The following HEATR5A variants were observed in gnomAD, a reference collection of about 807,000 sequenced individuals.
The protein encoded by HEATR5A is HEAT repeat containing 5A.
Under a neutral mutation model 218.8 loss-of-function variants are expected in HEATR5A, and 178 were observed. The observed-to-expected ratio is 0.81, with a 90% CI of 0.72 to 0.92. HEATR5A has a LOEUF of 0.92. Among genes scored for constraint, HEATR5A ranks in the 40% least tolerant of loss-of-function variants. The probability of loss-of-function intolerance (pLI) is 0.00; values close to 1 mark genes in which losing one functional copy is unlikely to be tolerated. For missense variants in HEATR5A, 2,420 were observed against 2,418.9 expected (o/e 1.00, Z -0.01); for synonymous variants, 864 against 871.6 (o/e 0.99, Z 0.15).
chr14:31,345,881 A>G (rs550048500), intron 19 of HEATR5A, among the ~76,000 whole-genome samples: 3 of 151,310 alleles, frequency 2.0e-5, no homozygotes, highest in Admixed American at 1.3e-4. Context: ...AGATATGTGC[A>G]TTTATGGCAG....
intron 7 of HEATR5A, among the ~76,000 whole-genome samples, chr14:31,387,855 C>T (rs539600217): frequency 3.3e-5 from 5 of 152,268 alleles, no homozygotes; most frequent in East Asian, 1.9e-4. Flanking sequence ...CCACCGCACC[C>T]GGCCTGAAGT....
Position 31,358,745 on chromosome 14 carries a change from T to A in HEATR5A, c.2303A>T (p.Asp768Val), listed in dbSNP as rs1282973151. The A allele has an allele frequency of 1.1e-5, 18 of 1,613,788 alleles. No homozygotes were observed. The highest frequency in any genetic ancestry group is 1.4e-5 in the Non-Finnish European group (17 of 1,179,888). ...EYDPYSIYEK[D>V]VEGDSVPKPL... ...CTTAGGCACTGAATCTCCCTCTACA[T>A]CTTTCTCATAAATCGAATAAGGGTC... The change falls in exon 16 of 36, where the codon GAT (aspartate) becomes GTT (valine). Residue 768 changes from aspartate to valine, a missense_variant. Coordinates refer to ENST00000543095, the MANE Select transcript of HEATR5A (RefSeq NM_015473.4).
At chr14:31,408,496 G>A (rs765924698) in intron 1 of HEATR5A, among the ~76,000 whole-genome samples, 1 of 152,042 alleles carries the variant, frequency 6.6e-6, no homozygotes, top group Non-Finnish European at 1.5e-5. Context: ...CCCTTTTGCT[G>A]ATAAGAATAC....
At chr14:31,355,084 A>C (rs1901373605) in intron 16 of HEATR5A, among the ~76,000 whole-genome samples, 1 of 152,226 alleles carries the variant, frequency 6.6e-6, no homozygotes, top group Non-Finnish European at 1.5e-5. Context: ...TAATCAACTC[A>C]TTCTTTGCAA....
intron 21 of HEATR5A, 114 bp downstream of exon 21, chr14:31,343,782 C>G: frequency 1.3e-6 from 1 of 768,632 alleles, no homozygotes; most frequent in Non-Finnish European, 1.9e-6. Context: ...GAAATAGCTA[C>G]GTATATAACA....
chr14:31,378,255 C>T (rs902068877), intron 11 of HEATR5A, among the ~76,000 whole-genome samples: 4 of 151,926 alleles, frequency 2.6e-5, no homozygotes, highest in African/African-American at 9.7e-5. Flanking sequence ...CCACTGTACA[C>T]CTAAAGGTCA....
Position 31,307,982 on chromosome 14 carries a change from C to A in HEATR5A, c.4729G>T (p.Ala1577Ser). ...CAAGCAGTTATGCTTTCCATGGTTGCATCTGAACGTAAGGAACATAGAAAT... is the reference window on the plus strand; with the variant it reads ...CAAGCAGTTATGCTTTCCATGGTTGAATCTGAACGTAAGGAACATAGAAAT... ...VEFLCSLRSD[A>S]TMESITACLH... The change falls in exon 30 of 36, where the codon GCA becomes TCA. Residue 1577 changes from alanine to serine, a missense_variant. Physicochemically the swap from Ala to Ser is moderately conservative, Grantham distance 99 (BLOSUM62 1). Transcript: ENST00000543095. 3 of 1,613,586 alleles carry A rather than the reference C, an allele frequency of 1.9e-6. 1 individual carries two copies. Among genetic ancestry groups the A allele is most frequent in the South Asian group, 2.2e-5 (2 of 91,034 alleles).
Position 31,326,310 on chromosome 14 carries a change from C to T in HEATR5A, c.3400G>A (p.Ala1134Thr), listed in dbSNP as rs766130299. ...TCCTTGTCTAGTAAGATCAACAATGCCCCCTCAAGGCCAACTTCTCTGATG... is the reference window on the plus strand; with the variant it reads ...TCCTTGTCTAGTAAGATCAACAATGTCCCCTCAAGGCCAACTTCTCTGATG... ...ANIREVGLEG[A>T]LLILLDKETD... is the part of the protein sequence containing the mutation. Residue 1134 changes from alanine to threonine, a missense_variant, in exon 23 of 36, where the codon GCA becomes ACA. By Grantham distance (58) the Ala-to-Thr change is moderately conservative. Transcript: ENST00000543095. 13 of 1,612,868 alleles carry T rather than the reference C, an allele frequency of 8.1e-6. No individual in the cohort carries two copies. The highest frequency in any genetic ancestry group is 2.2e-5 in the East Asian group (1 of 44,804).
intron 29 of HEATR5A, among the ~76,000 whole-genome samples, chr14:31,308,640 C>A (rs1207672594): frequency 6.6e-6 from 1 of 151,846 alleles, no homozygotes; most frequent in Non-Finnish European, 1.5e-5. Context: ...TTTACTTTGG[C>A]TAAAATTTAC....
chr14:31,333,959 G>A (rs545627590), intron 22 of HEATR5A, among the ~76,000 whole-genome samples: 1 of 147,770 alleles, frequency 6.8e-6, no homozygotes, highest in South Asian at 2.1e-4. Flanking sequence ...GATCACATGA[G>A]CCTGGAAAGT....
chr14:31,393,170 G>A lies in HEATR5A; in HGVS notation c.772+882C>T, dbSNP rs1254191010. ...GAAAATTCAGTATTTAGATCATATC[G>A]TTTATTGGATAACACTTCACAATTA... On this transcript the variant is annotated intron_variant, in intron 6 of 35. Transcript: ENST00000543095. 7.2e-5 allele frequency among the ~76,000 whole-genome samples: 11 copies of A among 152,134 alleles called. No homozygotes were observed. In the South Asian group the frequency reaches 1.7e-3, roughly 23 times the overall value.
At chr14:31,409,856 A>T (rs1324551688) in intron 1 of HEATR5A, among the ~76,000 whole-genome samples, 2 of 152,202 alleles carry the variant, frequency 1.3e-5, no homozygotes, top group African/African-American at 4.8e-5. Context: ...CTGCTAATAT[A>T]ATTTTCTCTC....
rs572370932 is a variant in HEATR5A at position 31,330,981 on chromosome 14, G to A, written c.3368-4639C>T. Reference sequence around the variant, plus strand: ...TTTTGAGACAGAGTCTCACTTTGTCGCCCAGGCTGGAGTGCAGTGGCGCAA... The same window carrying A: ...TTTTGAGACAGAGTCTCACTTTGTCACCCAGGCTGGAGTGCAGTGGCGCAA... On this transcript the variant is annotated intron_variant, in intron 22 of 35. Coordinates refer to ENST00000543095, the MANE Select transcript of HEATR5A (RefSeq NM_015473.4). Among the ~76,000 whole-genome samples, 19 of 108,788 alleles carry A rather than the reference G, an allele frequency of 1.7e-4. No homozygotes were observed. The South Asian group carries it at 2.3e-3, about 13-fold the overall frequency. The allele number at this position is 108,788 out of a possible 152,430, so 71.4% of individuals were successfully genotyped here.
At chr14:31,361,717 T>G (rs976370979) in intron 14 of HEATR5A, among the ~76,000 whole-genome samples, 75 of 152,270 alleles carry the variant, frequency 4.9e-4, no homozygotes, top group African/African-American at 1.8e-3. Context: ...TGAAAATAAA[T>G]CCATACCAAA....
rs1899807523 is a variant in HEATR5A, at chr14:31,313,047, G to GCTTAGTGTGCCAAGAT, written c.4346_4361dup (p.Ser1454ArgfsTer32). The GCTTAGTGTGCCAAGAT allele has an allele frequency of 6.2e-7, 1 of 1,613,854 alleles. No individual in the cohort carries two copies. The highest frequency in any genetic ancestry group is 8.5e-7 in the Non-Finnish European group (1 of 1,179,860). ...CCTGAAGTGCAGCAAGCCAGAGTCT[G>GCTTAGTGTGCCAAGAT]CTTAGTGTGCCAAGATCTGCATAGA... On this transcript the variant is annotated frameshift_variant, in exon 28 of 36. Coordinates refer to ENST00000543095, the MANE Select transcript of HEATR5A (RefSeq NM_015473.4). LOFTEE classifies it high-confidence loss of function.
intron 13 of HEATR5A, 103 bp downstream of exon 13, chr14:31,371,707 C>T: frequency 2.2e-6 from 1 of 461,170 alleles, no homozygotes; most frequent in Non-Finnish European, 3.9e-6. Context: ...TTGCCTTCCT[C>T]CATAAAATCA....
At chr14:31,304,687 G>A (rs577093484) in intron 32 of HEATR5A, among the ~76,000 whole-genome samples, 1 of 152,320 alleles carries the variant, frequency 6.6e-6, no homozygotes, top group South Asian at 2.1e-4. Context: ...AAAGTGCTGG[G>A]ATTACAGGCG....
chr14:31,315,240 A>G (rs1437141000), intron 27 of HEATR5A, among the ~76,000 whole-genome samples: 2 of 152,190 alleles, frequency 1.3e-5, no homozygotes, highest in Admixed American at 6.6e-5. Context: ...TGATGGGTAT[A>G]TGTAGATTCA....
In HEATR5A at chr14:31,326,244, T is replaced by A. The variant is rs367703062; in HGVS notation, c.3466A>T (p.Asn1156Tyr). The change falls in exon 23 of 36, where the codon AAT becomes TAT. Residue 1156 changes from asparagine (N) to tyrosine (Y), a missense_variant. By Grantham distance (143) the Asn-to-Tyr change is moderately radical. Transcript: ENST00000543095. The part of the protein sequence containing the change: ...RLCHDIKETL[N>Y]YMLTSMAVEK... ...ACTGCCATAGATGTAAGCATATAAT[T>A]TAAAGTCTCTTTGATATCATGGCAT... is the stretch of plus-strand genomic sequence containing the variant. 6.2e-7 allele frequency: 1 copy of A among 1,613,066 alleles called. No individual in the cohort carries two copies. Among genetic ancestry groups the A allele is most frequent in the African/African-American group, 1.3e-5 (1 of 75,012 alleles).
Sources: allele counts gnomAD v4.1 joint callset (sites outside exome capture counted in the v4.1 genomes callset), GRCh38; gene constraint gnomAD v4.1.1; transcripts MANE v1.5; gene names NCBI Gene and HGNC (gene_info 2026-07-23, HGNC 2026-07-21).